Variants in ITPR2 observed in about 807,000 individuals in gnomAD.
ITPR2 encodes inositol 1,4,5-trisphosphate-gated calcium channel ITPR2.
In ITPR2, 207 loss-of-function variants were observed where a neutral mutation model predicts 317.1. The observed-to-expected ratio is 0.65, with a 90% CI of 0.58 to 0.73. The LOEUF (loss-of-function observed/expected upper bound fraction) is 0.73. ITPR2 is among the 30% of genes least tolerant of loss of function. ITPR2 has a pLI of 0.00. For synonymous variants in ITPR2, 1,156 were observed against 1,149.1 expected (o/e 1.01, Z -0.12); for missense variants, 2,613 against 3,284.0 (o/e 0.80, Z 4.99).
At chr12:26,486,988 G>A (rs116152623) in intron 40 of ITPR2, 80 bp downstream of exon 40, 91 of 1,348,890 alleles carry the variant, frequency 6.7e-5, no homozygotes, top group African/African-American at 6.0e-4. Flanking sequence ...GAAGAGAGAC[G>A]AAAAATGTTA....
At chr12:26,827,693 T>C (rs1472850142) in intron 1 of ITPR2, among the ~76,000 whole-genome samples, 2 of 152,370 alleles carry the variant, frequency 1.3e-5, no homozygotes, top group South Asian at 4.1e-4. Flanking sequence ...TTCATTATCT[T>C]GAAATACTGT....
At chr12:26,653,284 C>T (rs1349686563) in intron 21 of ITPR2, among the ~76,000 whole-genome samples, 1 of 128,260 alleles carries the variant, frequency 7.8e-6, no homozygotes, top group Non-Finnish European at 1.6e-5. Flanking sequence ...CTCACTCTGT[C>T]GTCAGGCTGG....
chr12:26,363,585 G>T (rs768671845), intron 55 of ITPR2, among the ~76,000 whole-genome samples: 3 of 152,060 alleles, frequency 2.0e-5, no homozygotes, highest in Non-Finnish European at 4.4e-5. Context: ...TTGATTTCCA[G>T]ACTCTAAGAC....
In ITPR2 at chr12:26,594,870, T is replaced by C. The variant is rs544986952; in HGVS notation, c.4380+595A>G. Among the ~76,000 whole-genome samples the C allele has an allele frequency of 1.4e-4, 21 of 152,298 alleles. No individual in the cohort carries two copies. In the South Asian group the frequency reaches 4.4e-3, roughly 32 times the overall value. Reference sequence around the variant, plus strand: ...GCAAAAACATATGTCAGGCAGTATCTAGAAAATGCCAACCAGCTCCACATG... The same window carrying C: ...GCAAAAACATATGTCAGGCAGTATCCAGAAAATGCCAACCAGCTCCACATG... On this transcript the variant is annotated intron_variant, in intron 32 of 56. Coordinates refer to ENST00000381340, the MANE Select transcript of ITPR2 (RefSeq NM_002223.4).
intron 39 of ITPR2, among the ~76,000 whole-genome samples, chr12:26,489,000 G>T (rs905298): frequency 0.85 from 128,990 of 152,108 alleles, 55,138 homozygotes; most frequent in Non-Finnish European, 0.91. Context: ...CTAGATTTTC[G>T]GACTCTAAAT....
At chr12:26,649,090 T>G (rs1317472780) in intron 21 of ITPR2, 1 of 152,158 alleles carries the variant, frequency 6.6e-6, no homozygotes, top group South Asian at 2.1e-4. Context: ...TAAAAAACTT[T>G]CAAATTTATA....
At chr12:26,724,601 A>C in intron 4 of ITPR2, 55 bp downstream of exon 4, 1 of 1,130,446 alleles carries the variant, frequency 8.8e-7, no homozygotes, top group African/African-American at 1.5e-5. Flanking sequence ...TTTCCTGCCA[A>C]CTTACTGACA....
intron 2 of ITPR2, among the ~76,000 whole-genome samples, chr12:26,741,761 C>T (rs1029394703): frequency 2.6e-5 from 4 of 152,280 alleles, no homozygotes; most frequent in Non-Finnish European, 4.4e-5. Context: ...TCTGAGAGGG[C>T]TCTAGTCCCC....
chr12:26,658,652 G>A lies in ITPR2; in HGVS notation c.1886+461C>T, dbSNP rs372822011. On this transcript the variant is annotated intron_variant, in intron 16 of 56. Transcript: ENST00000381340. ...GCACTCATTTCTTCAAGATAAGGCA[G>A]CATGGTACAACAGAAAAAGAGCTTG... Among the ~76,000 whole-genome samples, 3 of 152,330 alleles carry A rather than the reference G, an allele frequency of 2.0e-5. No homozygotes were observed. The East Asian group carries it at 5.8e-4, about 29-fold the overall frequency.
chr12:26,591,238 A>G (rs948048362), intron 32 of ITPR2, among the ~76,000 whole-genome samples: 18 of 152,188 alleles, frequency 1.2e-4, no homozygotes, highest in Non-Finnish European at 1.6e-4. Context: ...ACTCTATAGG[A>G]AAAAATAGAA....
intron 35 of ITPR2, among the ~76,000 whole-genome samples, chr12:26,556,951 C>T (rs998979182): frequency 7.9e-5 from 12 of 151,768 alleles, no homozygotes; most frequent in Middle Eastern, 3.2e-3. Flanking sequence ...TGGTGGCATG[C>T]GCGTGTGGTC....
At chr12:26,791,276 C>T (rs1482590010) in intron 1 of ITPR2, among the ~76,000 whole-genome samples, 2 of 151,918 alleles carry the variant, frequency 1.3e-5, no homozygotes, top group Admixed American at 1.3e-4. Context: ...GTGTGAATAC[C>T]CAGGTTTTTT....
intron 21 of ITPR2, among the ~76,000 whole-genome samples, chr12:26,652,509 C>A (rs1415510348): frequency 6.6e-6 from 1 of 152,180 alleles, no homozygotes; most frequent in Admixed American, 6.5e-5. Context: ...GTAGTGGATA[C>A]TATTGTGCTC....
chr12:26,786,747 C>T (rs1000796182), intron 2 of ITPR2, among the ~76,000 whole-genome samples: 9 of 152,116 alleles, frequency 5.9e-5, no homozygotes, highest in Admixed American at 6.5e-5. Flanking sequence ...ATTGCCTACC[C>T]GCTCTAAAAT....
In ITPR2 at chr12:26,622,361, G is replaced by C. The variant is rs369024488; in HGVS notation, c.3167C>G (p.Thr1056Arg). 6 of 1,610,952 alleles carry C rather than the reference G, an allele frequency of 3.7e-6. No homozygotes were observed. Among genetic ancestry groups the C allele is most frequent in the Non-Finnish European group, 5.1e-6 (6 of 1,179,042 alleles). ...PVQLDDEGGR[T>R]FLRVLIHLIM... ...CAGATGAATGAGGACCCGTAAAAAC[G>C]TCCTGCCTCCTTCATCGTCAAGTTG... Residue 1056 changes from threonine (T) to arginine (R), a missense_variant, in exon 25 of 57, where the codon ACG (threonine) becomes AGG (arginine). Transcript: ENST00000381340.
rs1306515275 is a variant in ITPR2 at position 26,537,691 on chromosome 12, T to C, written c.5073+12556A>G. On this transcript the variant is annotated intron_variant, in intron 37 of 56. Coordinates refer to ENST00000381340, the MANE Select transcript of ITPR2 (RefSeq NM_002223.4). ...ATTTTATCAAGCTGCCATGCTGTGC[T>C]CATTTACATATCACATTTGTTTTCT... Among the ~76,000 whole-genome samples, 4 of 152,242 alleles carry C rather than the reference T, an allele frequency of 2.6e-5. No individual in the cohort carries two copies. In the East Asian group the frequency reaches 7.7e-4, roughly 29 times the overall value.
chr12:26,769,027 C>CACACACACACACA (rs55797555), intron 2 of ITPR2, among the ~76,000 whole-genome samples: 1,453 of 112,268 alleles, frequency 0.013, 25 homozygotes, highest in East Asian at 0.045. Flanking sequence ...ACACACACAC[C>CACACACACACACA]CCAATCTCAG....
At chr12:26,605,876 C>T (rs574960146) in intron 26 of ITPR2, among the ~76,000 whole-genome samples, 6 of 152,252 alleles carry the variant, frequency 3.9e-5, no homozygotes, top group Admixed American at 2.6e-4. Flanking sequence ...ACCCATGGAA[C>T]ATCTGGATGA....
At chr12:26,768,129 T>C (rs557696129) in intron 2 of ITPR2, among the ~76,000 whole-genome samples, 95 of 152,280 alleles carry the variant, frequency 6.2e-4, no homozygotes, top group African/African-American at 2.2e-3. Context: ...ATACCTAATG[T>C]AGATGACAGG....
Sources: gnomAD v4.1 joint callset for allele counts (sites outside exome capture counted in the v4.1 genomes callset) on GRCh38, gnomAD v4.1.1 for gene constraint, MANE v1.5 for transcripts, NCBI Gene and HGNC (gene_info 2026-07-23, HGNC 2026-07-21) for gene names.